RNF185: variants seen among roughly 807,000 people sequenced by gnomAD.
RNF185 encodes E3 ubiquitin-protein ligase RNF185.
In RNF185, 13 loss-of-function variants were observed where a neutral mutation model predicts 24.9. The observed-to-expected ratio is 0.52, with a 90% CI of 0.34 to 0.83. The LOEUF (loss-of-function observed/expected upper bound fraction) is 0.83, where lower values mean the gene tolerates loss of function less well. Ranked by LOEUF, RNF185 falls within the 40% of genes least tolerant of loss-of-function variation. The pLI is 0.01. For synonymous variants in RNF185, 79 were observed against 90.3 expected (o/e 0.88, Z 0.71); for missense variants, 184 against 244.7 (o/e 0.75, Z 1.65).
rs913688679 is a variant in RNF185 at position 31,201,472 on chromosome 22, C to T, written c.364-26C>T. On this transcript the variant is annotated intron_variant, in intron 5 of 6. Coordinates refer to ENST00000326132, the MANE Select transcript of RNF185 (RefSeq NM_152267.4). ...AGGAGAAACCTGCCTGATTCTCCTG[C>T]CCTTAATTGCCTTTCTTCCACACAG... is the stretch of plus-strand genomic sequence containing the variant. 9 of 1,535,808 alleles carry T rather than the reference C, an allele frequency of 5.9e-6. No homozygotes were observed. The African/African-American group carries it at 1.2e-4, about 21-fold the overall frequency.
intron 1 of RNF185, among the ~76,000 whole-genome samples, chr22:31,173,565 G>T (rs139177152): frequency 5.3e-5 from 8 of 152,272 alleles, no homozygotes; most frequent in Non-Finnish European, 1.0e-4. Flanking sequence ...TGTTAAGGAC[G>T]TTGGCTTGGG....
chr22:31,163,016 A>G (rs1923677940), intron 1 of RNF185, among the ~76,000 whole-genome samples: 1 of 152,094 alleles, frequency 6.6e-6, no homozygotes, highest in South Asian at 2.1e-4. Flanking sequence ...TGCCCGCCTC[A>G]GCCTCCCAAG....
chr22:31,180,822 G>GA (rs977916614), intron 1 of RNF185, among the ~76,000 whole-genome samples: 1 of 152,034 alleles, frequency 6.6e-6, no homozygotes, highest in Non-Finnish European at 1.5e-5. Flanking sequence ...AACAGGGTAA[G>GA]AATATAATAA....
intron 4 of RNF185, among the ~76,000 whole-genome samples, chr22:31,196,393 C>T (rs1265570082): frequency 6.6e-6 from 1 of 152,174 alleles, no homozygotes; most frequent in Non-Finnish European, 1.5e-5. Flanking sequence ...ATTACAGCAT[C>T]CTGCATAATG....
At chr22:31,178,581 C>T (rs1015600862) in intron 1 of RNF185, among the ~76,000 whole-genome samples, 3 of 152,082 alleles carry the variant, frequency 2.0e-5, no homozygotes, top group East Asian at 1.9e-4. Flanking sequence ...AAAACAACAA[C>T]GAAAGGAAAA....
intron 1 of RNF185, among the ~76,000 whole-genome samples, chr22:31,169,792 C>T (rs1924165040): frequency 6.6e-6 from 1 of 152,164 alleles, no homozygotes; most frequent in African/African-American, 2.4e-5. Context: ...AAGTGATCTG[C>T]CTGCCTCCAC....
chr22:31,195,369 C>T, intron 3 of RNF185, 100 bp from the exon 4 acceptor site: 1 of 671,122 alleles, frequency 1.5e-6, no homozygotes, highest in African/African-American at 1.8e-5. Flanking sequence ...GCTGGTGTTT[C>T]CCAGTTTGAG....
chr22:31,188,259 T>G (rs534781597), intron 2 of RNF185, among the ~76,000 whole-genome samples: 16 of 152,166 alleles, frequency 1.1e-4, no homozygotes, highest in Non-Finnish European at 1.9e-4. Context: ...TTAAACAATA[T>G]TTAAGGGATT....
At chr22:31,194,442 G>A (rs117447125) in intron 3 of RNF185, among the ~76,000 whole-genome samples, 1 of 151,972 alleles carries the variant, frequency 6.6e-6, no homozygotes, top group South Asian at 2.1e-4. Context: ...ATAAAAATGA[G>A]AAATTGGCCG....
chr22:31,173,784 C>T (rs972503615), intron 1 of RNF185, among the ~76,000 whole-genome samples: 2 of 152,128 alleles, frequency 1.3e-5, no homozygotes, highest in Non-Finnish European at 2.9e-5. Flanking sequence ...TAACAAGTGT[C>T]CCCTAATTTT....
At chr22:31,167,759 G>A (rs150202895) in intron 1 of RNF185, among the ~76,000 whole-genome samples, 1,858 of 151,836 alleles carry the variant, frequency 0.012, 51 homozygotes, top group African/African-American at 0.043. Flanking sequence ...AATTACAGGC[G>A]CTCACCACCA....
intron 1 of RNF185, among the ~76,000 whole-genome samples, chr22:31,176,204 G>A (rs370762516): frequency 1.0e-3 from 154 of 151,826 alleles, no homozygotes; most frequent in African/African-American, 3.7e-3. Context: ...CTCTTTTTTT[G>A]GTATCTTTTT....
rs1167241368 is a variant in RNF185, at chr22:31,187,174, C to A, written c.80C>A (p.Ala27Asp). The A allele has an allele frequency of 6.2e-7, 1 of 1,613,922 alleles. No individual in the cohort carries two copies. Among genetic ancestry groups the A allele is most frequent in the Admixed American group, 1.7e-5 (1 of 59,980 alleles). Reference sequence around the variant, plus strand: ...GGGCCCAGTGGGAGCAGCAATGGCGCTGGCGAGAGCGGAGGGCAGGACAGC... The same window carrying A: ...GGGCCCAGTGGGAGCAGCAATGGCGATGGCGAGAGCGGAGGGCAGGACAGC... The part of the protein sequence containing the change: ...AGGPSGSSNG[A>D]GESGGQDSTF... The change falls in exon 2 of 7, where the codon GCT becomes GAT. Residue 27 changes from alanine (A) to aspartate (D), a missense_variant. Physicochemically the swap from Ala to Asp is moderately radical, Grantham distance 126. Coordinates refer to ENST00000326132, the MANE Select transcript of RNF185 (RefSeq NM_152267.4).
chr22:31,175,140 C>T (rs1378562144), intron 1 of RNF185, among the ~76,000 whole-genome samples: 1 of 151,370 alleles, frequency 6.6e-6, no homozygotes, highest in Non-Finnish European at 1.5e-5. Context: ...GCTCTAGAAT[C>T]CCCACTCAGA....
At chr22:31,197,146 A>G in intron 5 of RNF185, 156 bp downstream of exon 5, 1 of 1,059,494 alleles carries the variant, frequency 9.4e-7, no homozygotes, top group Non-Finnish European at 1.3e-6. Context: ...TTATAACCAC[A>G]CCAATCCAGA....
At chr22:31,192,498 T>A (rs186564238) in intron 2 of RNF185, among the ~76,000 whole-genome samples, 186 bp from the exon 3 acceptor site, 17 of 152,300 alleles carry the variant, frequency 1.1e-4, no homozygotes, top group Admixed American at 3.3e-4. Context: ...AGTTTTTTTT[T>A]AATTTCCGAT....
chr22:31,201,391 A>G, intron 5 of RNF185, 107 bp from the exon 6 acceptor site: 1 of 803,766 alleles, frequency 1.2e-6, no homozygotes, highest in Non-Finnish European at 2.2e-6. Context: ...AGGTAGGGAG[A>G]AGAGGCAGGT....
chr22:31,198,735 T>C (rs2048233350), intron 5 of RNF185, among the ~76,000 whole-genome samples: 1 of 134,162 alleles, frequency 7.5e-6, no homozygotes, highest in Admixed American at 7.6e-5. Flanking sequence ...TTTTTTTGAG[T>C]TTGAATAATG....
chr22:31,167,855 C>T (rs112220757), intron 1 of RNF185, among the ~76,000 whole-genome samples: 10,916 of 152,128 alleles, frequency 0.072, 1,315 homozygotes, highest in African/African-American at 0.25. Flanking sequence ...TCAAGTGATC[C>T]GCCTGCCTTG....
Sources: allele counts gnomAD v4.1 joint callset (sites outside exome capture counted in the v4.1 genomes callset), GRCh38; gene constraint gnomAD v4.1.1; transcripts MANE v1.5; gene names NCBI Gene and HGNC (gene_info 2026-07-23, HGNC 2026-07-21).